The following TMEM37 variants were observed in gnomAD, a reference collection of about 807,000 sequenced individuals.
The protein encoded by TMEM37 is transmembrane protein 37.
In TMEM37, 12 loss-of-function variants were observed where a neutral mutation model predicts 11.0. The observed-to-expected ratio is 1.09, with a 90% CI of 0.70 to 1.76. The LOEUF is 1.76. TMEM37 is among the 40% of genes most tolerant of loss of function. The pLI is 0.00. For synonymous variants in TMEM37, 127 were observed against 110.5 expected, an observed-to-expected ratio of 1.15 and a Z score of -0.94; for missense variants, 203 against 251.2, an observed-to-expected ratio of 0.81 and a Z score of 1.30.
At chr2:119,434,254 A>G (rs1170154642) in intron 1 of TMEM37, among the ~76,000 whole-genome samples, 3 of 152,088 alleles carry the variant, frequency 2.0e-5, no homozygotes, top group Non-Finnish European at 4.4e-5. Context: ...TTTTAGGACC[A>G]TTTATCATTC....
chr2:119,431,977 G>A, intron 1 of TMEM37, 53 bp downstream of exon 1: 1 of 1,074,498 alleles, frequency 9.3e-7, no homozygotes, highest in South Asian at 4.8e-5. Context: ...GCCGTGGGAG[G>A]TTGGGGGTGG....
upstream of TMEM37, chr2:119,429,900 C>T (rs746392254): frequency 5.2e-6 from 8 of 1,548,444 alleles, no homozygotes; most frequent in South Asian, 8.3e-5. Flanking sequence ...TGACCACACA[C>T]GAAACTGGAG....
chr2:119,433,650 A>G (rs1467368312), intron 1 of TMEM37, among the ~76,000 whole-genome samples: 1 of 152,150 alleles, frequency 6.6e-6, no homozygotes, highest in Non-Finnish European at 1.5e-5. Flanking sequence ...AAATCATGCA[A>G]GGTTACAGAT....
At chr2:119,432,044 A>C in intron 1 of TMEM37, 120 bp downstream of exon 1, 1 of 680,028 alleles carries the variant, frequency 1.5e-6, no homozygotes, top group Non-Finnish European at 2.0e-6. Context: ...TGGGGGTGCG[A>C]GCGCCCCCCG....
rs190565350 is a variant in TMEM37, at chr2:119,437,273, G to A, written c.406G>A (p.Val136Ile). Reference sequence around the variant, plus strand: ...TTCCATCCTCCTCCTGGTGTCTTTCGTCCTCTCCTCCGGCGGGCTCCTGGG... The same window carrying A: ...TTCCATCCTCCTCCTGGTGTCTTTCATCCTCTCCTCCGGCGGGCTCCTGGG... ...MGSILLLVSF[V>I]LSSGGLLGFV... Residue 136 changes from valine (V) to isoleucine (I), a missense_variant, in exon 2 of 2, where the codon GTC becomes ATC. By Grantham distance (29) the Val-to-Ile change is conservative. Transcript: ENST00000306406. 415 of 1,614,150 alleles carry A rather than the reference G, an allele frequency of 2.6e-4. 2 individuals carry two copies. The highest frequency in any genetic ancestry group is 5.5e-5 in the South Asian group (5 of 91,076).
At chr2:119,431,853 C>T, upstream of TMEM37, 1 of 1,232,858 alleles carries the variant, frequency 8.1e-7, no homozygotes, top group Non-Finnish European at 1.0e-6. Flanking sequence ...CCGGCGGCCA[C>T]AGCGGAGCAG....
chr2:119,432,930 CA>C (rs1156546979), intron 1 of TMEM37, among the ~76,000 whole-genome samples: 5 of 152,232 alleles, frequency 3.3e-5, no homozygotes, highest in Non-Finnish European at 7.3e-5. Flanking sequence ...AGGACACCCC[CA>C]AAACCGCTTC....
At chr2:119,430,306 A>C, upstream of TMEM37, 2 of 578,904 alleles carry the variant, frequency 3.5e-6, no homozygotes, top group South Asian at 3.1e-5. Flanking sequence ...TCAGCCAGAA[A>C]CTCTGCAGTG....
In TMEM37 at chr2:119,431,892, G is replaced by T; in HGVS notation, c.-12G>T. The T allele has an allele frequency of 1.6e-6, 2 of 1,226,284 alleles. No homozygotes were observed. The highest frequency in any genetic ancestry group is 8.0e-5 in the South Asian group (2 of 25,128). 76.0% of individuals were successfully genotyped at this position (1,226,284 alleles called of 1,614,324 possible). Reference sequence around the variant, plus strand: ...GAGCGATCGAGGCTGCAGCGCGGCCGCCGGGCGCAGCATGACTGCCGTCGG... The same window carrying T: ...GAGCGATCGAGGCTGCAGCGCGGCCTCCGGGCGCAGCATGACTGCCGTCGG... On this transcript the variant is annotated 5_prime_UTR_variant, in exon 1 of 2. Coordinates refer to ENST00000306406, the MANE Select transcript of TMEM37 (RefSeq NM_183240.3).
rs559460179 is a variant in TMEM37, at chr2:119,432,003, G to A, written c.21+79G>A. The A allele has an allele frequency of 4.2e-6, 4 of 959,948 alleles. No individual in the cohort carries two copies. The African/African-American group carries it at 6.8e-5, about 16-fold the overall frequency. 59.5% of individuals were successfully genotyped at this position (959,948 alleles called of 1,614,324 possible). Reference sequence around the variant, plus strand: ...TTGGGGGTGGGAGGACGGAGGGAGGGGCGTACCCACCGCGAGCGCCGGCGT... The same window carrying A: ...TTGGGGGTGGGAGGACGGAGGGAGGAGCGTACCCACCGCGAGCGCCGGCGT... On this transcript the variant is annotated intron_variant, in intron 1 of 1. Coordinates refer to ENST00000306406, the MANE Select transcript of TMEM37 (RefSeq NM_183240.3).
In TMEM37 at chr2:119,431,919, G is replaced by C; in HGVS notation, c.16G>C (p.Val6Leu). The C allele has an allele frequency of 1.6e-6, 2 of 1,225,734 alleles. No homozygotes were observed. Among genetic ancestry groups the C allele is most frequent in the Non-Finnish European group, 2.0e-6 (2 of 983,998 alleles). 75.9% of individuals were successfully genotyped at this position (1,225,734 alleles called of 1,614,324 possible). The change falls in exon 1 of 2, where the codon GTG (valine) becomes CTG (leucine). Residue 6 changes from valine to leucine, a missense_variant. By Grantham distance (32) the Val-to-Leu change is conservative. Transcript: ENST00000306406. ...CGGGCGCAGCATGACTGCCGTCGGC[G>C]TGCAGGTAGCCGGCGCCTGGCGGGG... is the stretch of plus-strand genomic sequence containing the variant. MTAVG[V>L]QAQRPLGQRQ...
intron 1 of TMEM37, among the ~76,000 whole-genome samples, chr2:119,433,778 G>A (rs528688155): frequency 6.6e-6 from 1 of 152,264 alleles, no homozygotes; most frequent in East Asian, 1.9e-4. Flanking sequence ...TGACCTCCCC[G>A]CTCCCTTCTT....
Position 119,436,947 on chromosome 2 carries a change from G to C in TMEM37, c.80G>C (p.Arg27Pro). 1 of 1,614,200 alleles carries C rather than the reference G, an allele frequency of 6.2e-7. No homozygotes were observed. Among genetic ancestry groups the C allele is most frequent in the Non-Finnish European group, 8.5e-7 (1 of 1,180,044 alleles). The change falls in exon 2 of 2, where the codon CGG (arginine) becomes CCG (proline). Residue 27 changes from arginine (R) to proline (P), a missense_variant. Arg to Pro is a moderately radical substitution (Grantham distance 103). Coordinates refer to ENST00000306406, the MANE Select transcript of TMEM37 (RefSeq NM_183240.3). ...PRRSFFESFI[R>P]TLIITCVALA... The stretch of plus-strand genomic sequence containing the variant: ...CGGTCCTTCTTTGAATCCTTCATCC[G>C]GACCCTCATCATCACGTGTGTGGCC...
In TMEM37 at chr2:119,437,484, A is replaced by G. The variant is rs975837448; in HGVS notation, c.*44A>G. On this transcript the variant is annotated 3_prime_UTR_variant, in exon 2 of 2. Coordinates refer to ENST00000306406, the MANE Select transcript of TMEM37 (RefSeq NM_183240.3). ...CCCTCCAGGGACATCAGATTCCACA[A>G]GAAAATATGGTCAAAATGGGACTTT... The G allele has an allele frequency of 1.3e-6, 2 of 1,573,000 alleles. No individual in the cohort carries two copies. The highest frequency in any genetic ancestry group is 8.6e-7 in the Non-Finnish European group (1 of 1,160,186).
At position 119,437,548 on chromosome 2, in the gene TMEM37, G is replaced by A; in HGVS notation, c.*108G>A. On this transcript the variant is annotated 3_prime_UTR_variant, in exon 2 of 2. Transcript: ENST00000306406. Reference sequence around the variant, plus strand: ...CTCTGGTGGGGCTGGGTTGGACAAGGGCCTTGAAACGGCTGCCTGTTTGCC... The same window carrying A: ...CTCTGGTGGGGCTGGGTTGGACAAGAGCCTTGAAACGGCTGCCTGTTTGCC... The A allele has an allele frequency of 7.0e-7, 1 of 1,422,036 alleles. No individual in the cohort carries two copies. Among genetic ancestry groups the A allele is most frequent in the Non-Finnish European group, 9.4e-7 (1 of 1,058,588 alleles). 88.1% of individuals were successfully genotyped at this position (1,422,036 alleles called of 1,614,324 possible). A position where few individuals can be genotyped will look rare whatever the true frequency, so the allele number is the denominator to read the frequency against.
upstream of TMEM37, among the ~76,000 whole-genome samples, chr2:119,431,083 A>G (rs1203864301): frequency 2.0e-5 from 3 of 152,086 alleles, no homozygotes; most frequent in Non-Finnish European, 4.4e-5. Flanking sequence ...CAGGAGGCGA[A>G]GGTTGCAGTG....
intron 1 of TMEM37, among the ~76,000 whole-genome samples, chr2:119,433,600 GC>G (rs1482365337): frequency 2.0e-5 from 3 of 152,306 alleles, no homozygotes; most frequent in African/African-American, 2.4e-5. Flanking sequence ...GGACTCAGTA[GC>G]CCAGTAGTGT....
chr2:119,437,100 A>T lies in TMEM37; in HGVS notation c.233A>T (p.Gln78Leu). ...ACGATCTGCTTCAGAGACCTGGGCC[A>T]GGCCCATGTGCCCGGGCTGGCCGTG... Reference protein sequence around the residue: ...NQTICFRDLGQAHVPGLAVGM... With the variant: ...NQTICFRDLGLAHVPGLAVGM... The change falls in exon 2 of 2, where the codon CAG becomes CTG. Residue 78 changes from glutamine to leucine, a missense_variant. Coordinates refer to ENST00000306406, the MANE Select transcript of TMEM37 (RefSeq NM_183240.3). The T allele has an allele frequency of 3.1e-6, 5 of 1,613,930 alleles. No homozygotes were observed. The highest frequency in any genetic ancestry group is 4.2e-6 in the Non-Finnish European group (5 of 1,179,970).
chr2:119,435,410 C>G (rs773309510), intron 1 of TMEM37, among the ~76,000 whole-genome samples: 20 of 152,332 alleles, frequency 1.3e-4, no homozygotes, highest in Admixed American at 2.6e-4. Context: ...TCTCCTGGGT[C>G]CTAGCAGTGA....
Sources: gnomAD v4.1 joint callset for allele counts (sites outside exome capture counted in the v4.1 genomes callset) on GRCh38, gnomAD v4.1.1 for gene constraint, MANE v1.5 for transcripts, NCBI Gene and HGNC (gene_info 2026-07-23, HGNC 2026-07-21) for gene names.